Variants in ABCB7 observed in about 807,000 individuals in gnomAD.
The protein encoded by ABCB7 is ATP binding cassette subfamily B member 7.
ABCB7 carries 7 observed loss-of-function variants against 54.4 expected under a neutral mutation model. The ratio of observed to expected loss-of-function variants is 0.13; its 90% CI spans 0.07 to 0.24. The LOEUF (loss-of-function observed/expected upper bound fraction) is 0.24, where lower values mean the gene tolerates loss of function less well. ABCB7 is among the 10% of genes least tolerant of loss of function. The probability of loss-of-function intolerance (pLI) is 1.00; values close to 1 mark genes in which losing one functional copy is unlikely to be tolerated. For synonymous variants in ABCB7, 218 were observed against 207.1 expected (o/e 1.05, Z -0.45); for missense variants, 356 against 570.4 (o/e 0.62, Z 3.83).
At chrX:75,072,926 A>T (rs1164383469) in intron 8 of ABCB7, among the ~76,000 whole-genome samples, 1 of 102,873 alleles carries the variant, frequency 9.7e-6, no homozygotes, top group Non-Finnish European at 2.0e-5. Context: ...TTTCTATTTA[A>T]TTTTTTTTTT....
chrX:75,152,304 T>C (rs1398657768), intron 1 of ABCB7, among the ~76,000 whole-genome samples: 1 of 111,541 alleles, frequency 9.0e-6, no homozygotes, highest in Non-Finnish European at 1.9e-5. Flanking sequence ...AGAGCTCTCA[T>C]AAACAGGATT....
At chrX:75,144,100 C>G (rs2082074354) in intron 1 of ABCB7, among the ~76,000 whole-genome samples, 1 of 111,260 alleles carries the variant, frequency 9.0e-6, no homozygotes, top group African/African-American at 3.3e-5. Flanking sequence ...AGGCACTTAT[C>G]ACTTCTCTCC....
chrX:75,151,560 G>A (rs778356806), intron 1 of ABCB7, among the ~76,000 whole-genome samples: 1 of 111,696 alleles, frequency 9.0e-6, no homozygotes, highest in African/African-American at 3.3e-5. Context: ...AAATTCATGT[G>A]AACATAAACT....
At chrX:75,120,040 A>G (rs867989755) in intron 1 of ABCB7, among the ~76,000 whole-genome samples, 42 of 112,082 alleles carry the variant, frequency 3.7e-4, no homozygotes, top group Middle Eastern at 9.3e-3. Context: ...TATGAATATC[A>G]AACAGAATAG....
intron 1 of ABCB7, among the ~76,000 whole-genome samples, chrX:75,144,682 A>AT (rs747653263): frequency 2.8e-5 from 3 of 107,782 alleles, no homozygotes; most frequent in South Asian, 8.2e-4. Context: ...TGTTTTTGTA[A>AT]TTTTTTTTAA....
intron 4 of ABCB7, among the ~76,000 whole-genome samples, chrX:75,092,617 A>G (rs2081553611): frequency 9.0e-6 from 1 of 111,690 alleles, no homozygotes; most frequent in Non-Finnish European, 1.9e-5. Context: ...TGTCAAGAGA[A>G]TAAGATGACA....
At chrX:75,136,824 G>A (rs1454859178) in intron 1 of ABCB7, among the ~76,000 whole-genome samples, 1 of 111,995 alleles carries the variant, frequency 8.9e-6, no homozygotes, top group East Asian at 2.8e-4. Context: ...TGGGGTAACT[G>A]GCCAGCCATA....
intron 2 of ABCB7, among the ~76,000 whole-genome samples, chrX:75,114,096 C>T (rs1413133509): frequency 1.8e-5 from 2 of 111,829 alleles, no homozygotes; most frequent in African/African-American, 6.5e-5. Context: ...CCCCTTAACA[C>T]TTTAATAATG....
intron 15 of ABCB7, among the ~76,000 whole-genome samples, chrX:75,057,179 T>C (rs1419367692): frequency 3.6e-5 from 4 of 111,965 alleles, no homozygotes; most frequent in Non-Finnish European, 7.5e-5. Flanking sequence ...TTCTAACCCT[T>C]TGTACCCACA....
At chrX:75,057,864 G>A (rs1254007365) in intron 15 of ABCB7, among the ~76,000 whole-genome samples, 4 of 110,623 alleles carry the variant, frequency 3.6e-5, no homozygotes, top group Non-Finnish European at 7.6e-5. Context: ...TAAACAACTG[G>A]TTGGCAAAGT....
At chrX:75,147,146 G>A (rs1032873603) in intron 1 of ABCB7, among the ~76,000 whole-genome samples, 1 of 111,248 alleles carries the variant, frequency 9.0e-6, no homozygotes, top group Non-Finnish European at 1.9e-5. Flanking sequence ...AGAATGGCTA[G>A]TATTAAAAAG....
At chrX:75,143,343 C>T (rs1274821361) in intron 1 of ABCB7, among the ~76,000 whole-genome samples, 3 of 111,653 alleles carry the variant, frequency 2.7e-5, no homozygotes, top group East Asian at 5.6e-4. Context: ...TCCTCATTTC[C>T]GTCTGAGATC....
In ABCB7 at chrX:75,071,789, C is replaced by T. The variant is rs951418177; in HGVS notation, c.1033-106G>A. The T allele has an allele frequency of 2.2e-5, 12 of 535,611 alleles. No homozygotes were observed. The Admixed American group carries it at 2.7e-4, about 12-fold the overall frequency. 44.1% of individuals were successfully genotyped at this position (535,611 alleles called of 1,213,427 possible). On this transcript the variant is annotated intron_variant, in intron 8 of 15. Coordinates refer to ENST00000373394, the MANE Select transcript of ABCB7 (RefSeq NM_001271696.3). ...CTTCATGTATGAATACAATTTTGTA[C>T]TGTAGATTCCATTTTAAAAATTGAC...
At chrX:75,071,408 T>G in intron 9 of ABCB7, 101 bp downstream of exon 9, 1 of 977,891 alleles carries the variant, frequency 1.0e-6, no homozygotes. Context: ...GAAAGCACTT[T>G]AACATCCTTT....
intron 1 of ABCB7, among the ~76,000 whole-genome samples, chrX:75,134,686 A>G (rs1337983115): frequency 8.9e-6 from 1 of 112,228 alleles, no homozygotes; most frequent in African/African-American, 3.2e-5. Context: ...TCAATACTAT[A>G]AAAGTACATG....
chrX:75,086,260 A>G (rs1283868544), intron 4 of ABCB7, among the ~76,000 whole-genome samples: 4 of 112,104 alleles, frequency 3.6e-5, no homozygotes, highest in African/African-American at 9.7e-5. Flanking sequence ...AATGGTATTC[A>G]TTTAATTTTT....
At chrX:75,144,948 G>C (rs1232666635) in intron 1 of ABCB7, among the ~76,000 whole-genome samples, 1 of 110,462 alleles carries the variant, frequency 9.1e-6, no homozygotes, top group Non-Finnish European at 1.9e-5. Flanking sequence ...TTCTGGGATG[G>C]GGTGCTGGCC....
Position 75,065,191 on chromosome X carries a change from G to A in ABCB7, c.1710C>T (p.Asn570=). ...ACACTTCCTCAGGTGAAGCACTGAT[G>A]TTTCCATATAAGAGGTTGTAATAAA... ...NTIYYNLLYG[N]ISASPEEVYA... Residue 570 remains asparagine, a synonymous_variant, in exon 13 of 16, where the codon AAC becomes AAT. Transcript: ENST00000373394. The A allele has an allele frequency of 8.3e-7, 1 of 1,209,609 alleles. No individual in the cohort carries two copies. Among genetic ancestry groups the A allele is most frequent in the Non-Finnish European group, 1.1e-6 (1 of 893,814 alleles).
intron 1 of ABCB7, among the ~76,000 whole-genome samples, chrX:75,150,598 T>C (rs1042603481): frequency 2.7e-5 from 3 of 111,360 alleles, no homozygotes; most frequent in Non-Finnish European, 5.7e-5. Flanking sequence ...TTATTTAACA[T>C]GTGGGATTGT....
Sources: gnomAD v4.1 joint callset for allele counts (sites outside exome capture counted in the v4.1 genomes callset) on GRCh38, gnomAD v4.1.1 for gene constraint, MANE v1.5 for transcripts, NCBI Gene and HGNC (gene_info 2026-07-23, HGNC 2026-07-21) for gene names.